Variants in HSPA9 observed in about 807,000 individuals in gnomAD.
HSPA9 encodes the protein heat shock protein family A (Hsp70) member 9.
Under a neutral mutation model 81.5 loss-of-function variants are expected in HSPA9, and 28 were observed. That is an observed-to-expected ratio of 0.34 (90% CI 0.25 to 0.47). The LOEUF is 0.47. Ranked by LOEUF, HSPA9 falls within the 20% of genes least tolerant of loss-of-function variation. The probability of loss-of-function intolerance (pLI) is 1.00; values close to 1 mark genes in which losing one functional copy is unlikely to be tolerated. For missense variants in HSPA9, 678 were observed against 838.0 expected (o/e 0.81, Z 2.36); for synonymous variants, 293 against 290.4 (o/e 1.01, Z -0.09).
At chr5:138,560,502 T>C (rs1328167519) in intron 10 of HSPA9, among the ~76,000 whole-genome samples, 1 of 152,158 alleles carries the variant, frequency 6.6e-6, no homozygotes, top group East Asian at 1.9e-4. Context: ...GGCATGGTCT[T>C]CCCTTGTGTT....
rs1360083239 is a variant in HSPA9, at chr5:138,555,237, C to A, written c.*800G>T. ...AATTTGCATTTTTAACCAGTGTTAG[C>A]AAATCCTGTATTTCCCTCTTTGGGA... On this transcript the variant is annotated 3_prime_UTR_variant, in exon 17 of 17. Coordinates refer to ENST00000297185, the MANE Select transcript of HSPA9 (RefSeq NM_004134.7). 1 of 152,068 alleles carries A rather than the reference C, an allele frequency of 6.6e-6. No individual in the cohort carries two copies. The highest frequency in any genetic ancestry group is 2.4e-5 in the African/African-American group (1 of 41,404). 9.4% of individuals were successfully genotyped at this position (152,068 alleles called of 1,614,324 possible).
chr5:138,558,837 A>C, intron 11 of HSPA9, 180 bp from the exon 12 acceptor site: 1 of 590,490 alleles, frequency 1.7e-6, no homozygotes, highest in East Asian at 3.0e-5. Flanking sequence ...GCAAATGGGC[A>C]TACAATAGCA....
At position 138,561,779 on chromosome 5, in the gene HSPA9, T is replaced by C. The variant is rs763055480; in HGVS notation, c.983A>G (p.Asn328Ser). 1.1e-5 allele frequency: 18 copies of C among 1,613,326 alleles called. No homozygotes were observed. Among genetic ancestry groups the C allele is most frequent in the Admixed American group, 5.0e-5 (3 of 60,018 alleles). Residue 328 changes from asparagine to serine, a missense_variant, in exon 10 of 17, where the codon AAT becomes AGT. By Grantham distance (46) the Asn-to-Ser change is conservative. Transcript: ENST00000297185. Reference protein sequence around the residue: ...ELSSSVQTDINLPYLTMDSSG... With the variant: ...ELSSSVQTDISLPYLTMDSSG... ...AGAATCCATTGTAAGATAGGGCAAA[T>C]TGATGTCAGTCTGCAAAGGAAATGT...
rs2127151053 is a variant in HSPA9, at chr5:138,553,852, T to C, written c.*2185A>G. On this transcript the variant is annotated 3_prime_UTR_variant, in exon 17 of 17. Coordinates refer to ENST00000297185, the MANE Select transcript of HSPA9 (RefSeq NM_004134.7). ...TGTCTCTCTCCAGAAGAGATTAGTA[T>C]TGAATTGGAGATTGCTCTGCTTTGA... Among the ~76,000 whole-genome samples the C allele has an allele frequency of 1.3e-5, 2 of 152,340 alleles. No individual in the cohort carries two copies. The highest frequency in any genetic ancestry group is 2.9e-5 in the Non-Finnish European group (2 of 68,030).
Position 138,555,705 on chromosome 5 carries a change from T to C in HSPA9, c.*332A>G, listed in dbSNP as rs1404921537. On this transcript the variant is annotated 3_prime_UTR_variant, in exon 17 of 17. Coordinates refer to ENST00000297185, the MANE Select transcript of HSPA9 (RefSeq NM_004134.7). Reference sequence around the variant, plus strand: ...CTATGGATGACTACCTTCATTGCTGTGTGCGAGATGGTTTCACCCCTTGAA... The same window carrying C: ...CTATGGATGACTACCTTCATTGCTGCGTGCGAGATGGTTTCACCCCTTGAA... The C allele has an allele frequency of 8.3e-6, 3 of 363,542 alleles. No homozygotes were observed. The highest frequency in any genetic ancestry group is 1.6e-5 in the Non-Finnish European group (3 of 191,652). 22.5% of individuals were successfully genotyped at this position (363,542 alleles called of 1,614,324 possible).
At chr5:138,572,944 G>A (rs1428120625) in intron 3 of HSPA9, among the ~76,000 whole-genome samples, 3 of 151,654 alleles carry the variant, frequency 2.0e-5, no homozygotes, top group African/African-American at 7.3e-5. Context: ...CACCCAGGCT[G>A]GAGTACAGTG....
intron 4 of HSPA9, 111 bp from the exon 5 acceptor site, chr5:138,569,160 C>T: frequency 2.1e-6 from 2 of 948,472 alleles, no homozygotes; most frequent in Non-Finnish European, 3.4e-6. Flanking sequence ...CATTCATGGC[C>T]AACAAATGAC....
chr5:138,566,925 ACAAAG>A, intron 8 of HSPA9, 71 bp downstream of exon 8: 1 of 1,487,674 alleles, frequency 6.7e-7, no homozygotes, highest in Non-Finnish European at 9.4e-7. Flanking sequence ...GAACTCGTAA[ACAAAG>A]CAAAGAGCAA....
At chr5:138,567,945 G>A (rs1396336933) in intron 5 of HSPA9, among the ~76,000 whole-genome samples, 1 of 152,116 alleles carries the variant, frequency 6.6e-6, no homozygotes, top group African/African-American at 2.4e-5. Flanking sequence ...AGCACTTTGG[G>A]AGGCTGAGGC....
Position 138,556,033 on chromosome 5 carries a change from A to G in HSPA9, c.*4T>C, listed in dbSNP as rs368382143. The G allele has an allele frequency of 1.4e-5, 22 of 1,606,166 alleles. No homozygotes were observed. The African/African-American group carries it at 2.8e-4, about 21-fold the overall frequency. On this transcript the variant is annotated 3_prime_UTR_variant, in exon 17 of 17. Transcript: ENST00000297185. ...TCCTTCTGGCTTCAAAATTTCTGCT[A>G]TTATTACTGTTTTTCCTCCTTTTGA...
At chr5:138,562,892 T>G (rs546848968) in intron 9 of HSPA9, among the ~76,000 whole-genome samples, 41 of 152,194 alleles carry the variant, frequency 2.7e-4, no homozygotes, top group Non-Finnish European at 5.6e-4. Flanking sequence ...AGGACTGACT[T>G]GTATGGCCAT....
At chr5:138,574,020 T>C (rs1211387872) in intron 2 of HSPA9, 48 bp downstream of exon 2, 1 of 1,460,056 alleles carries the variant, frequency 6.8e-7, no homozygotes. Context: ...AACACTGCTT[T>C]GAAGTTTAAT....
chr5:138,561,540 C>T (rs1305874198), intron 10 of HSPA9, 40 bp downstream of exon 10: 1 of 1,540,026 alleles, frequency 6.5e-7, no homozygotes, highest in Non-Finnish European at 9.0e-7. Context: ...CACTATGCGC[C>T]AGCCCTCTCT....
Position 138,575,332 on chromosome 5 carries a change from A to C in HSPA9, c.-14T>G. 1.2e-6 allele frequency: 2 copies of C among 1,605,458 alleles called. No homozygotes were observed. Among genetic ancestry groups the C allele is most frequent in the South Asian group, 2.2e-5 (2 of 90,500 alleles). On this transcript the variant is annotated 5_prime_UTR_variant, in exon 1 of 17. Coordinates refer to ENST00000297185, the MANE Select transcript of HSPA9 (RefSeq NM_004134.7). ...GGCACTTATCATGGCGGATAAATGG[A>C]GGAGTACGAGGCAGCAAACAAGCGC...
chr5:138,564,970 C>G (rs573872492), intron 9 of HSPA9, among the ~76,000 whole-genome samples: 1 of 152,182 alleles, frequency 6.6e-6, no homozygotes, highest in East Asian at 1.9e-4. Context: ...TTAACGTTTA[C>G]TAATCTGTTC....
chr5:138,556,353 A>T, intron 16 of HSPA9, 99 bp downstream of exon 16: 1 of 1,413,664 alleles, frequency 7.1e-7, no homozygotes, highest in Non-Finnish European at 9.9e-7. Flanking sequence ...TCTCACTCTA[A>T]ATTCCACAAA....
In HSPA9 at chr5:138,568,392, G is replaced by A. The variant is rs372799289; in HGVS notation, c.535+533C>T. ...GGCGCATGCCTGTAATCCCAGCTAC[G>A]TTGGGGGGGAGGGAGAGGGCAGGAT... On this transcript the variant is annotated intron_variant, in intron 5 of 16. Transcript: ENST00000297185. Among the ~76,000 whole-genome samples the A allele has an allele frequency of 4.4e-4, 66 of 151,062 alleles. 1 individual carries two copies. The East Asian group carries it at 0.011, about 25-fold the overall frequency.
chr5:138,554,163 C>T lies in HSPA9; in HGVS notation c.*1874G>A, dbSNP rs1750472841. ...TGCTATTAGCTTTACTGATAGGTGA[C>T]TGAAATACTGTGTCCACCCATACCC... On this transcript the variant is annotated 3_prime_UTR_variant, in exon 17 of 17. Transcript: ENST00000297185. Among the ~76,000 whole-genome samples the T allele has an allele frequency of 6.6e-6, 1 of 152,172 alleles. No homozygotes were observed. Among genetic ancestry groups the T allele is most frequent in the South Asian group, 2.1e-4 (1 of 4,834 alleles).
intron 15 of HSPA9, 77 bp from the exon 16 acceptor site, chr5:138,556,669 ATT>A: frequency 6.4e-7 from 1 of 1,574,536 alleles, no homozygotes. Flanking sequence ...ATTTAGAAAC[ATT>A]TTAAAATAAT....
Sources: allele counts gnomAD v4.1 joint callset (sites outside exome capture counted in the v4.1 genomes callset), GRCh38; gene constraint gnomAD v4.1.1; transcripts MANE v1.5; gene names NCBI Gene and HGNC (gene_info 2026-07-23, HGNC 2026-07-21).